The following USH1C variants were observed in gnomAD, a reference collection of about 807,000 sequenced individuals.
The protein encoded by USH1C is harmonin.
USH1C carries 90 observed loss-of-function variants against 119.3 expected under a neutral mutation model. The ratio of observed to expected loss-of-function variants is 0.75; its 90% CI spans 0.64 to 0.90. The LOEUF (loss-of-function observed/expected upper bound fraction) is 0.90, where lower values mean the gene tolerates loss of function less well. Among genes scored for constraint, USH1C ranks in the 40% least tolerant of loss-of-function variants. USH1C has a pLI of 0.00. For missense variants in USH1C, 1,165 were observed against 1,167.7 expected (o/e 1.00, Z 0.03); for synonymous variants, 465 against 443.3 (o/e 1.05, Z -0.62).
chr11:17,505,683 T>C, intron 19 of USH1C, 147 bp downstream of exon 19: 1 of 1,226,090 alleles, frequency 8.2e-7, no homozygotes, highest in Non-Finnish European at 1.1e-6. Flanking sequence ...TGGCCTCATC[T>C]CTTGGCCAAT....
intron 23 of USH1C, among the ~76,000 whole-genome samples, chr11:17,499,964 G>A (rs1849375829): frequency 6.6e-6 from 1 of 152,130 alleles, no homozygotes; most frequent in Non-Finnish European, 1.5e-5. Flanking sequence ...TAAGAGGCCT[G>A]GGGCTCCTCC....
At chr11:17,516,173 G>T in intron 15 of USH1C, 68 bp downstream of exon 15, 1 of 1,558,680 alleles carries the variant, frequency 6.4e-7, no homozygotes, top group Non-Finnish European at 8.8e-7. Context: ...GACAAGGAAT[G>T]TTTGGGAAAA....
rs185939122 is a variant in USH1C at position 17,511,959 on chromosome 11, C to G, written c.1356G>C (p.Glu452Asp). 4 of 1,614,232 alleles carry G rather than the reference C, an allele frequency of 2.5e-6. No homozygotes were observed. The highest frequency in any genetic ancestry group is 3.4e-6 in the Non-Finnish European group (4 of 1,180,044). Residue 452 changes from glutamate (E) to aspartate (D), a missense_variant, in exon 16 of 27, where the codon GAG (glutamate) becomes GAC (aspartate). By Grantham distance (45) the Glu-to-Asp change is conservative. Transcript: ENST00000005226. ...ELEFEQKLYK[E>D]KEEMLEKEKQ... ...TTTCCTTCTCCAGCATTTCCTCTTTCTCTTTGTAAAGCTTTTGCTCAAACT... is the reference window on the plus strand; with the variant it reads ...TTTCCTTCTCCAGCATTTCCTCTTTGTCTTTGTAAAGCTTTTGCTCAAACT...
chr11:17,521,226 G>C lies in USH1C; in HGVS notation c.1085+120C>G. On this transcript the variant is annotated intron_variant, in intron 13 of 26. Coordinates refer to ENST00000005226, the MANE Select transcript of USH1C (RefSeq NM_153676.4). The stretch of plus-strand genomic sequence containing the variant: ...GACAGGCTTTACTACAAATAAAGGA[G>C]GACCCACCAGGGGATGAGAGAACCA... 4 of 1,158,108 alleles carry C rather than the reference G, an allele frequency of 3.5e-6. 1 individual carries two copies. The South Asian group carries it at 4.9e-5, about 14-fold the overall frequency. The allele number at this position is 1,158,108 out of a possible 1,614,324, so 71.7% of individuals were successfully genotyped here. A position where few individuals can be genotyped will look rare whatever the true frequency, so the allele number is the denominator to read the frequency against.
chr11:17,510,048 A>C (rs1849821193), intron 17 of USH1C, among the ~76,000 whole-genome samples: 1 of 152,182 alleles, frequency 6.6e-6, no homozygotes, highest in Non-Finnish European at 1.5e-5. Flanking sequence ...CAAATGCAGA[A>C]GAGCCCCAAG....
rs1211415881 is a variant in USH1C at position 17,495,636 on chromosome 11, A to T, written c.2588T>A (p.Val863Asp). ...AGCACGGTCTTCAAGGAGCTTTCGG[A>T]CCGGTTGGGGGCTTTCAGCTACGGA... The part of the protein sequence containing the change: ...PSSVAESPQP[V>D]RKLLEDRAAV... The change falls in exon 26 of 27, where the codon GTC (valine) becomes GAC (aspartate). Residue 863 changes from valine to aspartate, a missense_variant. Transcript: ENST00000005226. 1.1e-5 allele frequency: 17 copies of T among 1,614,144 alleles called. No homozygotes were observed. The highest frequency in any genetic ancestry group is 1.4e-5 in the Non-Finnish European group (17 of 1,180,022).
At chr11:17,502,772 G>A (rs1426723563) in intron 20 of USH1C, among the ~76,000 whole-genome samples, 2 of 152,158 alleles carry the variant, frequency 1.3e-5, no homozygotes, top group Non-Finnish European at 2.9e-5. Flanking sequence ...GGCCTTCCTC[G>A]GGAGTCACAC....
At position 17,494,326 on chromosome 11, in the gene USH1C, T is replaced by C. The variant is rs1849165551; in HGVS notation, c.*6A>G. On this transcript the variant is annotated 3_prime_UTR_variant, in exon 27 of 27. Coordinates refer to ENST00000005226, the MANE Select transcript of USH1C (RefSeq NM_153676.4). ...TTCACGAGGTGGGGCCGGAGCTCAC[T>C]GTTTCCTAACGGTGAATTTGGTTTC... is the stretch of plus-strand genomic sequence containing the variant. 16 of 1,607,872 alleles carry C rather than the reference T, an allele frequency of 1.0e-5. No homozygotes were observed. The highest frequency in any genetic ancestry group is 1.3e-5 in the African/African-American group (1 of 74,820).
intron 9 of USH1C, 132 bp downstream of exon 9, chr11:17,524,319 G>A: frequency 1.0e-6 from 1 of 963,908 alleles, no homozygotes. Flanking sequence ...TGCAGGGTGG[G>A]TAGGGCTCCT....
Position 17,544,390 on chromosome 11 carries a change from G to T in USH1C, c.-83C>A, listed in dbSNP as rs1380676739. 1.3e-6 allele frequency: 2 copies of T among 1,597,552 alleles called. No homozygotes were observed. The highest frequency in any genetic ancestry group is 1.7e-6 in the Non-Finnish European group (2 of 1,168,958). On this transcript the variant is annotated 5_prime_UTR_variant, in exon 1 of 27. Transcript: ENST00000005226. ...CCAGGAGCTGGAAAGAGCCGCGACC[G>T]CGACCGGGCCAGCCGCCCTCGGAGC...
intron 19 of USH1C, among the ~76,000 whole-genome samples, chr11:17,505,546 C>G (rs1849616204): frequency 6.6e-6 from 1 of 152,234 alleles, no homozygotes; most frequent in Non-Finnish European, 1.5e-5. Context: ...CCATGCAGAG[C>G]CTGGTATATA....
intron 1 of USH1C, among the ~76,000 whole-genome samples, chr11:17,536,513 G>A (rs1395800886): frequency 5.3e-5 from 8 of 152,220 alleles, no homozygotes; most frequent in Non-Finnish European, 1.2e-4. Flanking sequence ...GTGGAAAGGA[G>A]CCTGTCCCTG....
At chr11:17,517,427 C>T (rs546512220) in intron 14 of USH1C, 6 of 1,594,532 alleles carry the variant, frequency 3.8e-6, no homozygotes, top group East Asian at 4.5e-5. Flanking sequence ...TCCGTGCCTC[C>T]ATCCAGGTCA....
In USH1C at chr11:17,544,209, C is replaced by T. The variant is rs1258536082; in HGVS notation, c.36+63G>A. 2.5e-6 allele frequency: 4 copies of T among 1,608,366 alleles called. No homozygotes were observed. In the African/African-American group the frequency reaches 4.0e-5, roughly 16 times the overall value. On this transcript the variant is annotated intron_variant, in intron 1 of 26. Coordinates refer to ENST00000005226, the MANE Select transcript of USH1C (RefSeq NM_153676.4). ...GGAGGGGCAGTGCCGGGGTGTCCAC[C>T]CCCTACCCACCGCGCCCAGGACTCC...
chr11:17,516,265 A>T lies in USH1C; in HGVS notation c.1236T>A (p.Asp412Glu). Residue 412 changes from aspartate (D) to glutamate (E), a missense_variant, in exon 15 of 27, where the codon GAT becomes GAA. Transcript: ENST00000005226. ...PKSFGWFYRY[D>E]GKFPTIRKKG... is the part of the protein sequence containing the mutation. ...CCTTCCGGATGGTTGGGAATTTGCC[A>T]TCGTAACGATAAAACCATCCAAAAG... 1 of 1,613,678 alleles carries T rather than the reference A, an allele frequency of 6.2e-7. No individual in the cohort carries two copies. Among genetic ancestry groups the T allele is most frequent in the African/African-American group, 1.3e-5 (1 of 75,062 alleles).
At chr11:17,498,824 T>C (rs1392299098) in intron 23 of USH1C, among the ~76,000 whole-genome samples, 4 of 152,368 alleles carry the variant, frequency 2.6e-5, no homozygotes, top group African/African-American at 7.2e-5. Context: ...CCACAATTCG[T>C]AATCATTAAT....
chr11:17,538,159 T>C (rs1851304263), intron 1 of USH1C, among the ~76,000 whole-genome samples: 1 of 152,182 alleles, frequency 6.6e-6, no homozygotes. Flanking sequence ...CAAATAGCTG[T>C]TGGGGATCTC....
intron 8 of USH1C, among the ~76,000 whole-genome samples, chr11:17,525,987 G>A (rs1398209236): frequency 6.6e-6 from 1 of 152,162 alleles, no homozygotes; most frequent in Admixed American, 6.5e-5. Flanking sequence ...GATCACTTGA[G>A]CCCAGGAGTT....
chr11:17,516,360 G>T, intron 14 of USH1C, 70 bp from the exon 15 acceptor site: 1 of 1,494,522 alleles, frequency 6.7e-7, no homozygotes, highest in Non-Finnish European at 9.2e-7. Context: ...GGCAGCAGAT[G>T]GGAGCTGGGT....
Sources: allele counts gnomAD v4.1 joint callset (sites outside exome capture counted in the v4.1 genomes callset), GRCh38; gene constraint gnomAD v4.1.1; transcripts MANE v1.5; gene names NCBI Gene and HGNC (gene_info 2026-07-23, HGNC 2026-07-21).